Variants in MTMR3 observed in about 807,000 individuals in gnomAD.
The protein encoded by MTMR3 is phosphatidylinositol-3,5-bisphosphate 3-phosphatase MTMR3.
Under a neutral mutation model 132.4 loss-of-function variants are expected in MTMR3, and 32 were observed. That is an observed-to-expected ratio of 0.24 (90% confidence interval 0.18 to 0.32). The LOEUF (loss-of-function observed/expected upper bound fraction) is 0.32, where lower values mean the gene tolerates loss of function less well. Among genes scored for constraint, MTMR3 ranks in the 10% least tolerant of loss-of-function variants. MTMR3 has a pLI of 1.00. For synonymous variants in MTMR3, 556 were observed against 550.3 expected (o/e 1.01, Z -0.14); for missense variants, 1,216 against 1,489.6 (o/e 0.82, Z 3.02).
intron 6 of MTMR3, chr22:29,990,002 G>A (rs759091423): frequency 3.3e-5 from 5 of 152,284 alleles, no homozygotes; most frequent in Non-Finnish European, 5.9e-5. Context: ...AGGCCGAGGT[G>A]GGGGTGGATC....
chr22:29,915,222 A>G (rs2065285931), intron 1 of MTMR3, among the ~76,000 whole-genome samples: 2 of 152,144 alleles, frequency 1.3e-5, no homozygotes, highest in Non-Finnish European at 2.9e-5. Flanking sequence ...GACTTGTCCC[A>G]CTTTATTTTG....
intron 14 of MTMR3, chr22:30,013,958 C>T (rs1200982003): frequency 6.3e-6 from 1 of 159,572 alleles, no homozygotes; most frequent in Admixed American, 6.3e-5. Context: ...TATACCAGCT[C>T]TCATCTCCTC....
At chr22:29,978,573 A>G in intron 4 of MTMR3, 42 bp downstream of exon 4, 3 of 1,476,450 alleles carry the variant, frequency 2.0e-6, no homozygotes, top group Admixed American at 1.7e-5. Context: ...TTTATTTAGC[A>G]TTAACTGTAT....
At chr22:29,899,972 C>CT (rs147842231) in intron 1 of MTMR3, among the ~76,000 whole-genome samples, 24,390 of 152,170 alleles carry the variant, frequency 0.16, 2,051 homozygotes, top group South Asian at 0.24. Context: ...AGTTCGTCGT[C>CT]TTTTAGCTTT....
intron 1 of MTMR3, among the ~76,000 whole-genome samples, chr22:29,912,117 T>C (rs1544431): frequency 0.92 from 140,381 of 152,216 alleles, 64,808 homozygotes; most frequent in East Asian, 1. Context: ...GCTTTAGGTT[T>C]CATGGATTGC....
chr22:29,897,916 A>G (rs2064934531), intron 1 of MTMR3, among the ~76,000 whole-genome samples: 1 of 151,742 alleles, frequency 6.6e-6, no homozygotes, highest in Admixed American at 6.6e-5. Flanking sequence ...TTTCAAATTT[A>G]TGTGATATTT....
chr22:29,980,131 C>T (rs1443874797), intron 5 of MTMR3: 1 of 148,348 alleles, frequency 6.7e-6, no homozygotes, highest in Non-Finnish European at 1.5e-5. Context: ...TCCATGCAGA[C>T]TGTGTTTTGG....
At chr22:29,902,898 A>G (rs1428069642) in intron 1 of MTMR3, among the ~76,000 whole-genome samples, 1 of 152,162 alleles carries the variant, frequency 6.6e-6, no homozygotes, top group Non-Finnish European at 1.5e-5. Flanking sequence ...TCTGAGGCCA[A>G]GAGAAATAGA....
intron 11 of MTMR3, 152 bp downstream of exon 11, chr22:30,008,184 A>C: frequency 1.0e-6 from 1 of 966,442 alleles, no homozygotes; most frequent in Non-Finnish European, 1.5e-6. Flanking sequence ...TTGGATTCTT[A>C]ACACTGTATG....
At chr22:29,949,131 ACACACACACACACCCCCCC>A (rs1569019581) in intron 1 of MTMR3, among the ~76,000 whole-genome samples, 7 of 31,568 alleles carry the variant, frequency 2.2e-4, no homozygotes, top group Admixed American at 3.2e-4. Context: ...ACACACACAC[ACACACACACACACCCCCCC>A]CCCCCCCCCC....
intron 2 of MTMR3, 91 bp from the exon 3 acceptor site, chr22:29,970,885 G>A (rs1465386675): frequency 1.7e-6 from 1 of 599,376 alleles, no homozygotes; most frequent in Admixed American, 3.1e-5. Context: ...ACCTTTGTGA[G>A]GATATGGCCG....
chr22:29,917,714 A>T (rs1000926057), intron 1 of MTMR3, among the ~76,000 whole-genome samples: 6 of 152,246 alleles, frequency 3.9e-5, no homozygotes, highest in Non-Finnish European at 5.9e-5. Context: ...AAATGAGGAC[A>T]AATAGTTTTT....
chr22:30,002,807 C>CT (rs1715686812), intron 8 of MTMR3, 73 bp from the exon 9 acceptor site: 1 of 898,000 alleles, frequency 1.1e-6, no homozygotes, highest in Non-Finnish European at 1.7e-6. Context: ...CACCTAGTGT[C>CT]TCTCTCTCTC....
At chr22:29,969,317 C>A (rs905426356) in intron 2 of MTMR3, among the ~76,000 whole-genome samples, 8 of 152,196 alleles carry the variant, frequency 5.3e-5, no homozygotes, top group African/African-American at 1.7e-4. Flanking sequence ...TTTTTCTATC[C>A]TATTTAATTA....
chr22:30,023,200 G>T, intron 19 of MTMR3: 1 of 531,824 alleles, frequency 1.9e-6, no homozygotes, highest in Non-Finnish European at 3.4e-6. Context: ...TTTCCTTCTG[G>T]GTTAGGGTAG....
intron 2 of MTMR3, among the ~76,000 whole-genome samples, chr22:29,962,925 T>G (rs1439872671): frequency 6.6e-6 from 1 of 150,430 alleles, no homozygotes; most frequent in African/African-American, 2.5e-5. Context: ...TTTTTTTTTT[T>G]TGAGACAGGG....
At chr22:30,025,300 T>G in intron 19 of MTMR3, 1 of 295,220 alleles carries the variant, frequency 3.4e-6, no homozygotes, top group Non-Finnish European at 6.6e-6. Context: ...TGGGTTTTCC[T>G]GGATCAGGAC....
intron 1 of MTMR3, among the ~76,000 whole-genome samples, chr22:29,907,263 G>A (rs186586957): frequency 2.0e-5 from 3 of 151,820 alleles, no homozygotes; most frequent in South Asian, 2.1e-4. Context: ...TTAGCCGGGC[G>A]TCGTCGTGGG....
At chr22:30,006,276 T>C (rs2067272253) in intron 9 of MTMR3, 1 of 152,234 alleles carries the variant, frequency 6.6e-6, no homozygotes, top group South Asian at 2.1e-4. Context: ...TTTTCTGAGG[T>C]TGATGCTCTT....
Sources: gnomAD v4.1 joint callset for allele counts (sites outside exome capture counted in the v4.1 genomes callset) on GRCh38, gnomAD v4.1.1 for gene constraint, MANE v1.5 for transcripts, NCBI Gene and HGNC (gene_info 2026-07-23, HGNC 2026-07-21) for gene names.